FNBP1: variants seen among roughly 807,000 people sequenced by gnomAD.
FNBP1 encodes the protein formin-binding protein 1.
A neutral mutation model predicts 90.6 loss-of-function variants in FNBP1; 26 were observed. The observed-to-expected ratio is 0.29, with a 90% confidence interval of 0.21 to 0.40. FNBP1 has a LOEUF of 0.40. Among genes scored for constraint, FNBP1 ranks in the 10% least tolerant of loss-of-function variants. The probability of loss-of-function intolerance (pLI) is 1.00; values close to 1 mark genes in which losing one functional copy is unlikely to be tolerated. For synonymous variants in FNBP1, 260 were observed against 265.2 expected (o/e 0.98, Z 0.19); for missense variants, 635 against 768.0 (o/e 0.83, Z 2.05).
At chr9:129,959,214 C>T (rs1185670239) in intron 4 of FNBP1, among the ~76,000 whole-genome samples, 1 of 150,174 alleles carries the variant, frequency 6.7e-6, no homozygotes, top group Non-Finnish European at 1.5e-5. Flanking sequence ...GGAAGCTCAC[C>T]TAAGCCTGGG....
intron 15 of FNBP1, among the ~76,000 whole-genome samples, chr9:129,898,334 T>A (rs1253512620): frequency 6.6e-6 from 1 of 152,082 alleles, no homozygotes. Context: ...CATTTCACTA[T>A]TAGGACTTAA....
chr9:129,943,111 G>A (rs1163639924), intron 6 of FNBP1, among the ~76,000 whole-genome samples: 1 of 152,126 alleles, frequency 6.6e-6, no homozygotes, highest in Non-Finnish European at 1.5e-5. Flanking sequence ...TCAGTGCCCT[G>A]GATGAAGTTG....
rs888452277 is a variant in FNBP1 at position 129,888,469 on chromosome 9, C to T, written c.*2070G>A. 1 of 232,826 alleles carries T rather than the reference C, an allele frequency of 4.3e-6. No individual in the cohort carries two copies. The highest frequency in any genetic ancestry group is 8.5e-6 in the Non-Finnish European group (1 of 117,768). 14.4% of individuals were successfully genotyped at this position (232,826 alleles called of 1,614,324 possible). The stretch of plus-strand genomic sequence containing the variant: ...GGACAGAGGTGCGGCCCTGACTCTT[C>T]TCACCCTGTGTCATCCGGGCTTGTC... On this transcript the variant is annotated 3_prime_UTR_variant, in exon 17 of 17. Coordinates refer to ENST00000446176, the MANE Select transcript of FNBP1 (RefSeq NM_015033.3).
chr9:129,926,205 C>T (rs1728275450), intron 8 of FNBP1, among the ~76,000 whole-genome samples: 1 of 152,122 alleles, frequency 6.6e-6, no homozygotes, highest in African/African-American at 2.4e-5. Flanking sequence ...CTCCTGGCAT[C>T]AAGTGATCCA....
chr9:129,894,194 C>G (rs1347884903), intron 16 of FNBP1, among the ~76,000 whole-genome samples: 2 of 151,940 alleles, frequency 1.3e-5, no homozygotes, highest in Non-Finnish European at 2.9e-5. Context: ...GAATCTGACC[C>G]AACACCTTCA....
Position 129,975,494 on chromosome 9 carries a change from T to C in FNBP1, c.345+2971A>G, listed in dbSNP as rs76767035. 5.8e-4 allele frequency among the ~76,000 whole-genome samples: 89 copies of C among 152,278 alleles called. No homozygotes were observed. In the East Asian group the frequency reaches 0.013, roughly 22 times the overall value. Reference sequence around the variant, plus strand: ...ACCTATAATTTATTCCATAAATTACTGTAATTTTTGATTAACAAAAGGAAC... The same window carrying C: ...ACCTATAATTTATTCCATAAATTACCGTAATTTTTGATTAACAAAAGGAAC... On this transcript the variant is annotated intron_variant, in intron 4 of 16. Coordinates refer to ENST00000446176, the MANE Select transcript of FNBP1 (RefSeq NM_015033.3).
chr9:129,982,758 G>A (rs1286748086), intron 2 of FNBP1, among the ~76,000 whole-genome samples: 1 of 152,094 alleles, frequency 6.6e-6, no homozygotes, highest in East Asian at 1.9e-4. Flanking sequence ...GAACTCCTGG[G>A]CCCCAGGGAT....
chr9:130,003,794 G>GCAGGACTACA (rs1170654405), intron 1 of FNBP1, among the ~76,000 whole-genome samples: 1 of 147,062 alleles, frequency 6.8e-6, no homozygotes, highest in Non-Finnish European at 1.5e-5. Flanking sequence ...ATGGAGGCAG[G>GCAGGACTACA]TGCCTGTAGT....
the FNBP1 span, chr9:130,053,301 C>G: frequency 1.3e-5 from 2 of 152,296 alleles, no homozygotes; most frequent in African/African-American, 4.8e-5. Flanking sequence ...TTCTCAGAGC[C>G]TCAGTTTGCT....
rs762065602 is a variant in FNBP1, at chr9:129,978,583, T to A, written c.227A>T (p.Asn76Ile). ...KYTSCKAFIS[N>I]LNEMNDYAGQ... The stretch of plus-strand genomic sequence containing the variant: ...TGCGTAATCATTCATTTCGTTCAGG[T>A]TGGAAATGAAAGCTTTACATGACGT... Residue 76 changes from asparagine to isoleucine, a missense_variant, in exon 4 of 17, where the codon AAC becomes ATC. Coordinates refer to ENST00000446176, the MANE Select transcript of FNBP1 (RefSeq NM_015033.3). 2.2e-5 allele frequency: 36 copies of A among 1,613,728 alleles called. 1 individual carries two copies. The East Asian group carries it at 2.7e-4, about 12-fold the overall frequency.
At chr9:129,929,511 G>A (rs1451890221) in intron 7 of FNBP1, 56 bp downstream of exon 7, 4 of 1,547,382 alleles carry the variant, frequency 2.6e-6, no homozygotes, top group Non-Finnish European at 3.6e-6. Flanking sequence ...GAAGTGTCAT[G>A]TTTCTAAGGA....
upstream of FNBP1, among the ~76,000 whole-genome samples, chr9:130,043,915 G>A (rs1013020482): frequency 1.3e-5 from 2 of 152,210 alleles, no homozygotes; most frequent in African/African-American, 4.8e-5. Flanking sequence ...CGTGCTGGCC[G>A]GGCGGAGGCG....
chr9:129,985,659 T>C (rs1338814662), intron 2 of FNBP1, among the ~76,000 whole-genome samples: 1 of 151,894 alleles, frequency 6.6e-6, no homozygotes, highest in Non-Finnish European at 1.5e-5. Flanking sequence ...CTACTAAAAA[T>C]ACAAAAGCTA....
At chr9:130,022,899 C>T (rs1403629162) in intron 1 of FNBP1, among the ~76,000 whole-genome samples, 1 of 152,130 alleles carries the variant, frequency 6.6e-6, no homozygotes, top group East Asian at 1.9e-4. Flanking sequence ...GTAATCCCAG[C>T]ACTTCAGGAG....
chr9:130,032,096 T>C (rs576960644), intron 1 of FNBP1, among the ~76,000 whole-genome samples: 1 of 152,306 alleles, frequency 6.6e-6, no homozygotes, highest in South Asian at 2.1e-4. Flanking sequence ...ACAGGGAGAC[T>C]TCACACGTAC....
intron 11 of FNBP1, among the ~76,000 whole-genome samples, chr9:129,912,715 A>G (rs2039545176): frequency 1.4e-5 from 2 of 146,380 alleles, no homozygotes; most frequent in Admixed American, 6.9e-5. Context: ...AAAAAGTCAC[A>G]AAATCTGGCA....
intron 6 of FNBP1, among the ~76,000 whole-genome samples, chr9:129,955,229 AG>A: frequency 6.6e-6 from 1 of 151,666 alleles, no homozygotes; most frequent in East Asian, 1.9e-4. Context: ...ATGACAGTTT[AG>A]AGGCTGAGTG....
At chr9:129,928,257 T>C (rs1202747831) in intron 7 of FNBP1, among the ~76,000 whole-genome samples, 1 of 152,256 alleles carries the variant, frequency 6.6e-6, no homozygotes, top group Admixed American at 6.5e-5. Flanking sequence ...GTCATTTGTT[T>C]AAATCCTATA....
rs1353549290 is a variant in FNBP1 at position 129,958,559 on chromosome 9, A to G, written c.346-6T>C. On this transcript the variant is annotated splice_region_variant and splice_polypyrimidine_tract_variant and intron_variant, in intron 4 of 16. Transcript: ENST00000446176. ...TTACGGCCATCGTGAAAGTTCTGCA[A>G]AGGGGAAAACACACTGGTGATTAGT... The G allele has an allele frequency of 6.3e-7, 1 of 1,591,278 alleles. No individual in the cohort carries two copies. Among genetic ancestry groups the G allele is most frequent in the Admixed American group, 1.8e-5 (1 of 56,528 alleles).
Sources: gnomAD v4.1 joint callset for allele counts (sites outside exome capture counted in the v4.1 genomes callset) on GRCh38, gnomAD v4.1.1 for gene constraint, MANE v1.5 for transcripts, NCBI Gene and HGNC (gene_info 2026-07-23, HGNC 2026-07-21) for gene names.